SRGAP1: variants seen among roughly 807,000 people sequenced by gnomAD.
SRGAP1 encodes the protein SLIT-ROBO Rho GTPase activating protein 1, also known as SLIT-ROBO Rho GTPase-activating protein 1.
SRGAP1 carries 43 observed loss-of-function variants against 121.9 expected under a neutral mutation model. The ratio of observed to expected loss-of-function variants is 0.35; its 90% CI spans 0.28 to 0.46. The LOEUF (loss-of-function observed/expected upper bound fraction) is 0.46, where lower values mean the gene tolerates loss of function less well. Ranked by LOEUF, SRGAP1 falls within the 20% of genes least tolerant of loss-of-function variation. The pLI is 1.00. For missense variants in SRGAP1, 1,102 were observed against 1,350.9 expected, an observed-to-expected ratio of 0.82 and a Z score of 2.89; for synonymous variants, 447 against 485.4, an observed-to-expected ratio of 0.92 and a Z score of 1.04.
At chr12:64,108,838 T>C in intron 15 of SRGAP1, 94 bp from the exon 16 acceptor site, 1 of 751,838 alleles carries the variant, frequency 1.3e-6, no homozygotes, top group Non-Finnish European at 2.0e-6. Context: ...GTGTTGCTTA[T>C]ATTCAGATGT....
intron 3 of SRGAP1, among the ~76,000 whole-genome samples, chr12:64,014,975 C>CA (rs779072371): frequency 6.6e-6 from 1 of 151,838 alleles, no homozygotes; most frequent in African/African-American, 2.4e-5. Context: ...TGCCACCACA[C>CA]CTGGCTAATT....
intron 15 of SRGAP1, among the ~76,000 whole-genome samples, chr12:64,098,389 C>T (rs911380896): frequency 2.0e-5 from 3 of 151,716 alleles, no homozygotes; most frequent in African/African-American, 7.3e-5. Flanking sequence ...GGGTTGCTTG[C>T]TTTCTCCCCT....
chr12:64,055,394 G>A (rs2035321271), intron 6 of SRGAP1, among the ~76,000 whole-genome samples: 1 of 151,484 alleles, frequency 6.6e-6, no homozygotes. Flanking sequence ...CTCATGGGTA[G>A]GAAGAATCAG....
In SRGAP1 at chr12:64,161,519, T is replaced by C. The variant is rs547923483; in HGVS notation, c.*18847T>C. The C allele has an allele frequency of 7.1e-4, 108 of 152,336 alleles. No individual in the cohort carries two copies. The highest frequency in any genetic ancestry group is 3.4e-3 in the Middle Eastern group (1 of 294). 9.4% of individuals were successfully genotyped at this position (152,336 alleles called of 1,614,324 possible). The stretch of plus-strand genomic sequence containing the variant: ...TTTTGTGAGCTGGCTGTTCATTTTT[T>C]TATAGAATCCTGTCCTTATTTGACA... On this transcript the variant is annotated 3_prime_UTR_variant, in exon 22 of 22. Coordinates refer to ENST00000355086, the MANE Select transcript of SRGAP1 (RefSeq NM_020762.4).
At chr12:63,862,096 G>A (rs1899474127) in intron 1 of SRGAP1, among the ~76,000 whole-genome samples, 1 of 152,198 alleles carries the variant, frequency 6.6e-6, no homozygotes, top group Admixed American at 6.5e-5. Flanking sequence ...ATTCTAGTCT[G>A]GGCGATGAGT....
chr12:63,886,180 C>T (rs930799456), intron 1 of SRGAP1, among the ~76,000 whole-genome samples: 1 of 152,104 alleles, frequency 6.6e-6, no homozygotes, highest in Non-Finnish European at 1.5e-5. Context: ...CCTGCCTCAG[C>T]CTCTTGAGTA....
chr12:63,935,588 A>G (rs939421700), intron 1 of SRGAP1, among the ~76,000 whole-genome samples: 1 of 152,246 alleles, frequency 6.6e-6, no homozygotes, highest in African/African-American at 2.4e-5. Context: ...CAAGGAAATG[A>G]CACAATACTT....
rs534833100 is a variant in SRGAP1 at position 63,960,533 on chromosome 12, TCA to T, written c.68-23413_68-23412del. ...CCTTCTCTGGCTCTCTCTTGCTTTC[TCA>T]GTCTTTTTAGCTCCTATAGCACTCA... On this transcript the variant is annotated intron_variant, in intron 1 of 21. Coordinates refer to ENST00000355086, the MANE Select transcript of SRGAP1 (RefSeq NM_020762.4). 2.1e-3 allele frequency among the ~76,000 whole-genome samples: 323 copies of T among 152,286 alleles called. 2 individuals carry two copies. The highest frequency in any genetic ancestry group is 7.6e-3 in the African/African-American group (315 of 41,568).
intron 6 of SRGAP1, among the ~76,000 whole-genome samples, chr12:64,054,084 T>C (rs1056059130): frequency 6.6e-6 from 1 of 152,182 alleles, no homozygotes; most frequent in Non-Finnish European, 1.5e-5. Flanking sequence ...ATTCTATCCG[T>C]GCTTTCTCCC....
chr12:63,906,549 G>A (rs1273611407), intron 1 of SRGAP1, among the ~76,000 whole-genome samples: 16 of 152,142 alleles, frequency 1.1e-4, no homozygotes, highest in African/African-American at 2.6e-4. Flanking sequence ...TCCTGACCTC[G>A]TGATCTGCCC....
In SRGAP1 at chr12:64,143,293, A is replaced by T. The variant is rs2036998610; in HGVS notation, c.*621A>T. The T allele has an allele frequency of 6.5e-6, 1 of 152,752 alleles. No individual in the cohort carries two copies. Among genetic ancestry groups the T allele is most frequent in the Admixed American group, 6.5e-5 (1 of 15,366 alleles). 9.5% of individuals were successfully genotyped at this position (152,752 alleles called of 1,614,324 possible). A position where few individuals can be genotyped will look rare whatever the true frequency, so the allele number is the denominator to read the frequency against. ...CGGGTCCAGCTTAAAGACTCGATGGAAGGAGGTAGAACCTCTGCTGTTACT... is the reference window on the plus strand; with the variant it reads ...CGGGTCCAGCTTAAAGACTCGATGGTAGGAGGTAGAACCTCTGCTGTTACT... On this transcript the variant is annotated 3_prime_UTR_variant, in exon 22 of 22. Transcript: ENST00000355086.
chr12:63,940,413 A>T (rs2031823650), intron 1 of SRGAP1, among the ~76,000 whole-genome samples: 1 of 151,940 alleles, frequency 6.6e-6, no homozygotes, highest in African/African-American at 2.4e-5. Context: ...AAAAAAAAAA[A>T]AAAAAAGGCT....
At position 63,962,340 on chromosome 12, in the gene SRGAP1, C is replaced by T. The variant is rs139640546; in HGVS notation, c.68-21607C>T. 5.2e-3 allele frequency among the ~76,000 whole-genome samples: 797 copies of T among 152,268 alleles called. 5 individuals are homozygous for T. Among genetic ancestry groups the T allele is most frequent in the African/African-American group, 0.018 (731 of 41,540 alleles). On this transcript the variant is annotated intron_variant, in intron 1 of 21. Transcript: ENST00000355086. The stretch of plus-strand genomic sequence containing the variant: ...AGGAGACTTTTATGCTAAAACAATA[C>T]TTAAACAGTGCAGAATTACCACTTG...
chr12:64,064,287 A>G (rs759109373), intron 7 of SRGAP1, among the ~76,000 whole-genome samples: 3 of 152,308 alleles, frequency 2.0e-5, no homozygotes, highest in African/African-American at 4.8e-5. Context: ...AGGAACCCCC[A>G]TGAGCCAAGA....
intron 3 of SRGAP1, among the ~76,000 whole-genome samples, chr12:63,999,331 T>C (rs539455291): frequency 6.6e-6 from 1 of 152,266 alleles, no homozygotes; most frequent in African/African-American, 2.4e-5. Context: ...CATTCACAGG[T>C]TTAAACACGA....
At chr12:64,039,376 A>G (rs796156921) in intron 4 of SRGAP1, among the ~76,000 whole-genome samples, 4 of 152,284 alleles carry the variant, frequency 2.6e-5, no homozygotes, top group African/African-American at 9.6e-5. Context: ...AGTAAGGAAC[A>G]CCCTGCTGGC....
chr12:63,881,911 T>G (rs1426662030), intron 1 of SRGAP1, among the ~76,000 whole-genome samples: 1 of 152,158 alleles, frequency 6.6e-6, no homozygotes, highest in Non-Finnish European at 1.5e-5. Context: ...TTAAAATAAA[T>G]TACTAAAACT....
intron 1 of SRGAP1, among the ~76,000 whole-genome samples, chr12:63,959,396 C>A (rs1004362484): frequency 2.0e-5 from 3 of 152,058 alleles, no homozygotes; most frequent in African/African-American, 7.2e-5. Context: ...GGAAGTTTTA[C>A]TATATTCCTT....
Position 64,148,729 on chromosome 12 carries a change from A to C in SRGAP1, c.*6057A>C, listed in dbSNP as rs754829079. ...AAAATGACAGGCAAATCAAGGAAAA[A>C]CACTTTTTATTAAAGTGCAGAATAC... On this transcript the variant is annotated 3_prime_UTR_variant, in exon 22 of 22. Transcript: ENST00000355086. 1 of 152,218 alleles carries C rather than the reference A, an allele frequency of 6.6e-6. No homozygotes were observed. The highest frequency in any genetic ancestry group is 1.5e-5 in the Non-Finnish European group (1 of 68,040). The allele number at this position is 152,218 out of a possible 1,614,324, so 9.4% of individuals were successfully genotyped here. A position where few individuals can be genotyped will look rare whatever the true frequency, so the allele number is the denominator to read the frequency against.
Sources: allele counts gnomAD v4.1 joint callset (sites outside exome capture counted in the v4.1 genomes callset), GRCh38; gene constraint gnomAD v4.1.1; transcripts MANE v1.5; gene names NCBI Gene and HGNC (gene_info 2026-07-23, HGNC 2026-07-21).